The following WWOX variants were observed in gnomAD, a reference collection of about 807,000 sequenced individuals.
WWOX encodes WW domain-containing oxidoreductase.
In WWOX, 69 loss-of-function variants were observed where a neutral mutation model predicts 46.2. The ratio of observed to expected loss-of-function variants is 1.49; its 90% CI spans 1.23 to 1.82. The LOEUF is 1.82. WWOX is among the 40% of genes most tolerant of loss of function. The pLI, the probability that WWOX is intolerant of heterozygous loss-of-function variation, is 0.00. For missense variants in WWOX, 919 were observed against 542.6 expected (o/e 1.69, Z -6.89); for synonymous variants, 359 against 202.6 (o/e 1.77, Z -6.56).
intron 8 of WWOX, among the ~76,000 whole-genome samples, chr16:79,162,847 C>T (rs967667949): frequency 6.6e-6 from 1 of 152,130 alleles, no homozygotes; most frequent in African/African-American, 2.4e-5. Flanking sequence ...ACCATGTCTT[C>T]CCAGAGAGCT....
At chr16:79,020,776 G>T (rs181686732) in intron 8 of WWOX, among the ~76,000 whole-genome samples, 1 of 152,184 alleles carries the variant, frequency 6.6e-6, no homozygotes, top group East Asian at 1.9e-4. Context: ...ACGTCGTGTG[G>T]ATTCTTTTCT....
intron 8 of WWOX, among the ~76,000 whole-genome samples, chr16:78,509,097 C>A (rs924722904): frequency 3.9e-5 from 6 of 152,200 alleles, no homozygotes; most frequent in African/African-American, 1.4e-4. Flanking sequence ...CAGTGAGGCC[C>A]TCCCTTCGTG....
chr16:78,296,162 C>T (rs2079940688), intron 5 of WWOX, among the ~76,000 whole-genome samples: 1 of 152,186 alleles, frequency 6.6e-6, no homozygotes, highest in Non-Finnish European at 1.5e-5. Context: ...TTCTGTATCA[C>T]ATTTGGGAAA....
At chr16:78,572,739 T>A (rs973054551) in intron 8 of WWOX, among the ~76,000 whole-genome samples, 136 of 150,918 alleles carry the variant, frequency 9.0e-4, no homozygotes, top group African/African-American at 3.3e-3. Context: ...ACCAAGGGAA[T>A]GAAGAATGCA....
At chr16:78,369,804 C>T (rs2081625991) in intron 5 of WWOX, among the ~76,000 whole-genome samples, 1 of 151,908 alleles carries the variant, frequency 6.6e-6, no homozygotes, top group South Asian at 2.1e-4. Context: ...GATGGCCTAT[C>T]ATATAGGAAT....
rs115144741 is a variant in WWOX at position 79,022,381 on chromosome 16, C to G, written c.1057-189227C>G. On this transcript the variant is annotated intron_variant, in intron 8 of 8. Coordinates refer to ENST00000566780, the MANE Select transcript of WWOX (RefSeq NM_016373.4). ...AAAAAAAAAAAGTCCCGCTTGTTATCAAGCCTACTGGCTTATCTGTTATTT... is the reference window on the plus strand; with the variant it reads ...AAAAAAAAAAAGTCCCGCTTGTTATGAAGCCTACTGGCTTATCTGTTATTT... 3.6e-3 allele frequency among the ~76,000 whole-genome samples: 517 copies of G among 143,590 alleles called. 9 individuals are homozygous for G. Among genetic ancestry groups the G allele is most frequent in the African/African-American group, 0.013 (508 of 38,670 alleles). The allele number at this position is 143,590 out of a possible 152,430, so 94.2% of individuals were successfully genotyped here.
intron 5 of WWOX, among the ~76,000 whole-genome samples, chr16:78,263,744 C>G (rs1291367783): frequency 6.6e-6 from 1 of 152,054 alleles, no homozygotes; most frequent in East Asian, 1.9e-4. Flanking sequence ...CCAGAACTTC[C>G]CAGAGATTTA....
chr16:78,889,157 A>G (rs11860189), intron 8 of WWOX, among the ~76,000 whole-genome samples: 295 of 152,306 alleles, frequency 1.9e-3, no homozygotes, highest in Non-Finnish European at 3.4e-3. Flanking sequence ...CGGCTTAATA[A>G]TAAGATGATA....
chr16:78,668,899 C>A (rs2047395335), intron 8 of WWOX, among the ~76,000 whole-genome samples: 1 of 152,074 alleles, frequency 6.6e-6, no homozygotes, highest in Admixed American at 6.5e-5. Flanking sequence ...TTCATCGGGC[C>A]TCCACATAGG....
chr16:78,599,960 G>T (rs79625174), intron 8 of WWOX, among the ~76,000 whole-genome samples: 1,749 of 152,228 alleles, frequency 0.011, 28 homozygotes, highest in African/African-American at 0.039. Context: ...ACATACCTGA[G>T]GCTGCATAAT....
intron 8 of WWOX, among the ~76,000 whole-genome samples, chr16:78,955,219 A>G (rs34946778): frequency 0.035 from 5,399 of 152,286 alleles, 134 homozygotes; most frequent in Non-Finnish European, 0.053. Flanking sequence ...TAGAGCTGCA[A>G]TGTGGGTGCT....
At chr16:78,318,217 G>A (rs994750443) in intron 5 of WWOX, among the ~76,000 whole-genome samples, 9 of 150,756 alleles carry the variant, frequency 6.0e-5, no homozygotes, top group Non-Finnish European at 1.0e-4. Context: ...TTAAATGGCT[G>A]TGGAAACCCA....
chr16:78,747,407 C>T (rs950477822), intron 8 of WWOX, among the ~76,000 whole-genome samples: 1 of 151,982 alleles, frequency 6.6e-6, no homozygotes, highest in Non-Finnish European at 1.5e-5. Context: ...CAGAGGCCTA[C>T]CCTGACCATC....
chr16:79,126,699 A>G (rs1479148473), intron 8 of WWOX, among the ~76,000 whole-genome samples: 1 of 152,188 alleles, frequency 6.6e-6, no homozygotes, highest in Non-Finnish European at 1.5e-5. Context: ...GCAGTGATGG[A>G]GCACAGGCTG....
intron 8 of WWOX, among the ~76,000 whole-genome samples, chr16:78,782,626 C>A (rs150875538): frequency 6.6e-6 from 1 of 151,872 alleles, no homozygotes; most frequent in African/African-American, 2.4e-5. Context: ...GCTCCATTAA[C>A]CTTTTACCTT....
At chr16:78,326,588 C>CCCA (rs1491472368) in intron 5 of WWOX, among the ~76,000 whole-genome samples, 2 of 107,220 alleles carry the variant, frequency 1.9e-5, no homozygotes, top group Non-Finnish European at 3.8e-5. Context: ...CCCCCCCCCC[C>CCCA]CGCAATGCCT....
chr16:78,575,527 A>G (rs2044856238), intron 8 of WWOX, among the ~76,000 whole-genome samples: 1 of 152,020 alleles, frequency 6.6e-6, no homozygotes, highest in South Asian at 2.1e-4. Flanking sequence ...ACCCCATCCT[A>G]AGATCTTGTG....
chr16:78,823,446 C>A (rs545018336), intron 8 of WWOX, among the ~76,000 whole-genome samples: 1 of 152,196 alleles, frequency 6.6e-6, no homozygotes, highest in African/African-American at 2.4e-5. Flanking sequence ...GTCATCATCG[C>A]TTATCATCAC....
At chr16:78,500,458 GT>G (rs375356361) in intron 8 of WWOX, among the ~76,000 whole-genome samples, 128 of 147,932 alleles carry the variant, frequency 8.7e-4, no homozygotes, top group African/African-American at 3.1e-3. Flanking sequence ...GCTTTTGTTT[GT>G]TTTTTTTTAG....
Sources: gnomAD v4.1 joint callset for allele counts (sites outside exome capture counted in the v4.1 genomes callset) on GRCh38, gnomAD v4.1.1 for gene constraint, MANE v1.5 for transcripts, NCBI Gene and HGNC (gene_info 2026-07-23, HGNC 2026-07-21) for gene names.